The following UXS1 variants were observed in gnomAD, a reference collection of about 807,000 sequenced individuals.
UXS1 encodes the protein UDP-glucuronic acid decarboxylase 1.
A neutral mutation model predicts 62.6 loss-of-function variants in UXS1; 33 were observed. The ratio of observed to expected loss-of-function variants is 0.53; its 90% CI spans 0.40 to 0.70. UXS1 has a LOEUF of 0.70. UXS1 is among the 30% of genes least tolerant of loss of function. UXS1 has a pLI of 0.00. For missense variants in UXS1, 434 were observed against 556.3 expected (o/e 0.78, Z 2.21); for synonymous variants, 213 against 206.8 (o/e 1.03, Z -0.26).
chr2:106,112,693 C>A lies in UXS1; in HGVS notation c.832G>T (p.Val278Leu). The change falls in exon 10 of 15, where the codon GTA becomes TTA. Residue 278 changes from valine to leucine, a missense_variant. Transcript: ENST00000283148. ...GCCTGCAGGATGAAGTTGCTGACTA[C>A]TCGCCCATCGTTCATGTGCATGCGT... The part of the protein sequence containing the change: ...GPRMHMNDGR[V>L]VSNFILQALQ... 1 of 1,614,020 alleles carries A rather than the reference C, an allele frequency of 6.2e-7. No homozygotes were observed. The highest frequency in any genetic ancestry group is 8.5e-7 in the Non-Finnish European group (1 of 1,179,902).
chr2:106,104,647 A>G (rs1307152357), intron 11 of UXS1, 147 bp downstream of exon 11: 1 of 934,958 alleles, frequency 1.1e-6, no homozygotes, highest in Admixed American at 2.7e-5. Context: ...AAGTTTTCCC[A>G]TCATAAAATT....
chr2:106,140,687 G>A (rs56291108), intron 6 of UXS1, among the ~76,000 whole-genome samples: 37,698 of 151,770 alleles, frequency 0.25, 5,084 homozygotes, highest in Non-Finnish European at 0.31. Flanking sequence ...TACTTCGCAC[G>A]GGTATTGACA....
chr2:106,150,474 G>C (rs1573516332), intron 5 of UXS1, among the ~76,000 whole-genome samples: 1 of 152,220 alleles, frequency 6.6e-6, no homozygotes, highest in Admixed American at 6.5e-5. Flanking sequence ...ATTGCCCTGT[G>C]CTGCCACAAG....
At chr2:106,109,058 A>C (rs1678354834) in intron 10 of UXS1, among the ~76,000 whole-genome samples, 2 of 152,092 alleles carry the variant, frequency 1.3e-5, no homozygotes, top group African/African-American at 4.8e-5. Context: ...TGGTTTAGCT[A>C]GAATCCGCCT....
chr2:106,146,332 T>G (rs1203999616), intron 5 of UXS1, among the ~76,000 whole-genome samples: 1 of 152,186 alleles, frequency 6.6e-6, no homozygotes, highest in Non-Finnish European at 1.5e-5. Context: ...CGGAAAGTAT[T>G]AATAGGAAGA....
intron 9 of UXS1, among the ~76,000 whole-genome samples, chr2:106,119,581 C>T (rs190530329): frequency 4.5e-4 from 68 of 152,340 alleles, no homozygotes; most frequent in Non-Finnish European, 9.0e-4. Context: ...ACAATGTCAC[C>T]TCCAGACAGT....
At chr2:106,185,736 T>A (rs983990113) in intron 1 of UXS1, among the ~76,000 whole-genome samples, 1 of 152,204 alleles carries the variant, frequency 6.6e-6, no homozygotes, top group Non-Finnish European at 1.5e-5. Flanking sequence ...TCCCGGATTA[T>A]CCAGTTGGGC....
intron 9 of UXS1, among the ~76,000 whole-genome samples, chr2:106,119,137 C>G (rs1049266463): frequency 1.3e-5 from 2 of 152,220 alleles, no homozygotes; most frequent in African/African-American, 2.4e-5. Flanking sequence ...AATCTCCCAG[C>G]TGAGAGGTGC....
chr2:106,151,483 C>G (rs181908867), intron 5 of UXS1, among the ~76,000 whole-genome samples: 1 of 152,254 alleles, frequency 6.6e-6, no homozygotes, highest in African/African-American at 2.4e-5. Flanking sequence ...TCCCCTTTGT[C>G]TCTCTCATCC....
intron 1 of UXS1, among the ~76,000 whole-genome samples, chr2:106,192,065 T>C (rs959575844): frequency 6.6e-6 from 1 of 152,118 alleles, no homozygotes; most frequent in Non-Finnish European, 1.5e-5. Context: ...GCAGTCTGTG[T>C]TTTTTAAAAA....
intron 14 of UXS1, among the ~76,000 whole-genome samples, chr2:106,095,175 G>C: frequency 6.6e-6 from 1 of 152,114 alleles, no homozygotes; most frequent in East Asian, 1.9e-4. Flanking sequence ...AAAAGCAATA[G>C]TTAATACATA....
intron 11 of UXS1, 37 bp from the exon 12 acceptor site, chr2:106,101,155 C>T (rs1418045244): frequency 6.2e-7 from 1 of 1,611,618 alleles, no homozygotes; most frequent in East Asian, 2.2e-5. Flanking sequence ...GCTCTGCCTG[C>T]TGGAATATGC....
intron 10 of UXS1, among the ~76,000 whole-genome samples, chr2:106,111,189 G>C (rs182485952): frequency 6.6e-6 from 1 of 152,196 alleles, no homozygotes; most frequent in Non-Finnish European, 1.5e-5. Context: ...CAGCAGTGTA[G>C]ACCAGGGACT....
chr2:106,161,288 T>A (rs73951233), intron 4 of UXS1, among the ~76,000 whole-genome samples: 3,574 of 152,090 alleles, frequency 0.023, 53 homozygotes, highest in Admixed American at 0.052. Context: ...GTATTTCTTG[T>A]AGAGATGAGG....
chr2:106,094,559 T>C (rs1279843121), intron 14 of UXS1, among the ~76,000 whole-genome samples: 2 of 152,016 alleles, frequency 1.3e-5, no homozygotes, highest in East Asian at 1.9e-4. Flanking sequence ...GGCGGGAAGA[T>C]GCTTTGGGAA....
chr2:106,173,277 G>A (rs376293077), intron 1 of UXS1, among the ~76,000 whole-genome samples: 9 of 152,310 alleles, frequency 5.9e-5, no homozygotes, highest in African/African-American at 2.2e-4. Context: ...TCAGAAAACT[G>A]TAGGCTGGGT....
chr2:106,163,531 T>C, intron 4 of UXS1, 136 bp downstream of exon 4: 1 of 524,932 alleles, frequency 1.9e-6, no homozygotes, highest in East Asian at 3.6e-5. Flanking sequence ...ATCTGGGTAT[T>C]ACACTCAAAG....
At chr2:106,191,577 T>G (rs1392851241) in intron 1 of UXS1, among the ~76,000 whole-genome samples, 1 of 152,266 alleles carries the variant, frequency 6.6e-6, no homozygotes, top group Non-Finnish European at 1.5e-5. Context: ...ACCCCAGGCC[T>G]GCCTGCCTGC....
chr2:106,130,455 C>A (rs1223228665), intron 6 of UXS1, among the ~76,000 whole-genome samples: 1 of 152,222 alleles, frequency 6.6e-6, no homozygotes, highest in Non-Finnish European at 1.5e-5. Flanking sequence ...GCAACAGACA[C>A]ACACACACAG....
Sources: gnomAD v4.1 joint callset for allele counts (sites outside exome capture counted in the v4.1 genomes callset) on GRCh38, gnomAD v4.1.1 for gene constraint, MANE v1.5 for transcripts, NCBI Gene and HGNC (gene_info 2026-07-23, HGNC 2026-07-21) for gene names.